Variants in ANK2 observed in about 807,000 individuals in gnomAD.
ANK2 encodes the protein ankyrin-2.
A neutral mutation model predicts 360.5 loss-of-function variants in ANK2; 83 were observed. The observed-to-expected ratio is 0.23, with a 90% CI of 0.19 to 0.28. The LOEUF (loss-of-function observed/expected upper bound fraction) is 0.28. Among genes scored for constraint, ANK2 ranks in the 10% least tolerant of loss-of-function variants. ANK2 has a pLI of 1.00. For synonymous variants in ANK2, 1,740 were observed against 1,759.5 expected, an observed-to-expected ratio of 0.99 and a Z score of 0.28; for missense variants, 4,201 against 4,795.7, an observed-to-expected ratio of 0.88 and a Z score of 3.66.
At chr4:112,862,016 G>C (rs2068258989) in intron 1 of ANK2, among the ~76,000 whole-genome samples, 1 of 152,208 alleles carries the variant, frequency 6.6e-6, no homozygotes, top group African/African-American at 2.4e-5. Flanking sequence ...TACTGACTGA[G>C]TGCCTGGGGC....
chr4:112,720,843 A>G, the ANK2 span, among the ~76,000 whole-genome samples: 3 of 152,350 alleles, frequency 2.0e-5, no homozygotes, highest in East Asian at 5.8e-4. Flanking sequence ...AAAAGTCATT[A>G]TACATTAAAA....
intron 2 of ANK2, among the ~76,000 whole-genome samples, chr4:113,018,718 A>G (rs575530115): frequency 1.2e-3 from 186 of 152,354 alleles, no homozygotes; most frequent in Middle Eastern, 3.4e-3. Flanking sequence ...GTTCTTGATC[A>G]TGCTTCAGCC....
At chr4:113,204,300 C>T (rs2098909604) in intron 4 of ANK2, among the ~76,000 whole-genome samples, 1 of 152,110 alleles carries the variant, frequency 6.6e-6, no homozygotes, top group Admixed American at 6.5e-5. Flanking sequence ...AGACTAGACA[C>T]CATCATCAAA....
chr4:112,817,348 ATC>A (rs377729935), upstream of ANK2, among the ~76,000 whole-genome samples: 89 of 152,258 alleles, frequency 5.8e-4, 1 homozygote, highest in South Asian at 0.017. Context: ...CATTTTGATA[ATC>A]TGTTTTTGGA....
chr4:113,209,436 T>C (rs1205844068), intron 4 of ANK2, among the ~76,000 whole-genome samples: 1 of 151,950 alleles, frequency 6.6e-6, no homozygotes, highest in Non-Finnish European at 1.5e-5. Context: ...GCAGGGCTAC[T>C]TCTTTTTGTA....
intron 14 of ANK2, among the ~76,000 whole-genome samples, chr4:113,266,975 T>G (rs1434770500): frequency 6.6e-6 from 1 of 152,204 alleles, no homozygotes; most frequent in Non-Finnish European, 1.5e-5. Flanking sequence ...CTCATTGTGG[T>G]TTTGATTTGC....
chr4:112,927,558 C>T (rs747767678), intron 2 of ANK2, among the ~76,000 whole-genome samples: 3 of 152,172 alleles, frequency 2.0e-5, no homozygotes, highest in Non-Finnish European at 2.9e-5. Flanking sequence ...ACAAGTCTTT[C>T]TCTGATATCA....
chr4:113,330,819 T>C (rs1192506080), intron 27 of ANK2, among the ~76,000 whole-genome samples: 2 of 152,218 alleles, frequency 1.3e-5, no homozygotes, highest in Non-Finnish European at 2.9e-5. Flanking sequence ...AAAATTCTGC[T>C]CTGTTCCAAG....
intron 10 of ANK2, among the ~76,000 whole-genome samples, chr4:113,250,548 A>C (rs182222056): frequency 1.3e-5 from 2 of 152,300 alleles, no homozygotes; most frequent in Admixed American, 1.3e-4. Context: ...TATCAAATGT[A>C]TTTTAAATGC....
At chr4:112,880,553 A>G (rs2076417816) in intron 1 of ANK2, 1 of 152,208 alleles carries the variant, frequency 6.6e-6, no homozygotes, top group African/African-American at 2.4e-5. Flanking sequence ...TGAAATGCCA[A>G]TAGTAAAGCA....
the ANK2 span, among the ~76,000 whole-genome samples, chr4:112,705,845 G>A: frequency 1.3e-5 from 2 of 152,106 alleles, no homozygotes; most frequent in African/African-American, 4.8e-5. Flanking sequence ...CGCCGGGCGC[G>A]GCGCTGGGAA....
the ANK2 span, among the ~76,000 whole-genome samples, chr4:112,711,139 A>G: frequency 1.3e-5 from 2 of 149,392 alleles, no homozygotes; most frequent in Non-Finnish European, 3.0e-5. Context: ...TTTTCTCTTA[A>G]GAGTTGGGGT....
chr4:113,130,473 G>A (rs1300739254), intron 1 of ANK2, among the ~76,000 whole-genome samples: 1 of 152,144 alleles, frequency 6.6e-6, no homozygotes. Context: ...ACTGCAAGTT[G>A]AGCAAACTGT....
At chr4:112,833,946 G>A (rs2060432129) in intron 1 of ANK2, among the ~76,000 whole-genome samples, 1 of 152,110 alleles carries the variant, frequency 6.6e-6, no homozygotes, top group Admixed American at 6.6e-5. Context: ...TGTGCCTTCC[G>A]AGTATATTGT....
intron 10 of ANK2, among the ~76,000 whole-genome samples, chr4:113,252,439 C>T (rs67547401): frequency 0.14 from 20,962 of 152,128 alleles, 1,528 homozygotes; most frequent in East Asian, 0.26. Context: ...CCCCCTCATT[C>T]TTTGTCAATT....
rs2095314294 is a variant in ANK2 at position 113,350,202 on chromosome 4, T to G, written c.4405-26T>G. ...TGAGCCAAGGCAGTATTTGTAACCA[T>G]TCAATTTATGTATGTTTTCTTTCAG... On this transcript the variant is annotated intron_variant, in intron 36 of 45. Transcript: ENST00000357077. 3.7e-6 allele frequency: 6 copies of G among 1,602,620 alleles called. No homozygotes were observed. The South Asian group carries it at 6.6e-5, about 18-fold the overall frequency.
At chr4:112,961,570 G>A (rs368639837) in intron 2 of ANK2, among the ~76,000 whole-genome samples, 5 of 152,164 alleles carry the variant, frequency 3.3e-5, no homozygotes, top group African/African-American at 9.6e-5. Flanking sequence ...TGACTTTAAC[G>A]TGCATACCAT....
At chr4:112,958,230 G>C (rs925879487) in intron 2 of ANK2, among the ~76,000 whole-genome samples, 15 of 152,108 alleles carry the variant, frequency 9.9e-5, no homozygotes, top group Non-Finnish European at 1.9e-4. Context: ...GCACTTTGGA[G>C]GCCAAGGCAG....
At chr4:112,997,420 C>T (rs1486455498) in intron 2 of ANK2, among the ~76,000 whole-genome samples, 2 of 152,016 alleles carry the variant, frequency 1.3e-5, no homozygotes, top group African/African-American at 2.4e-5. Context: ...CTCCTCTATC[C>T]TCCAAAAACT....
Sources: gnomAD v4.1 joint callset for allele counts (sites outside exome capture counted in the v4.1 genomes callset) on GRCh38, gnomAD v4.1.1 for gene constraint, MANE v1.5 for transcripts, NCBI Gene and HGNC (gene_info 2026-07-23, HGNC 2026-07-21) for gene names.